The following GTF3C2 variants were observed in gnomAD, a reference collection of about 807,000 sequenced individuals.
GTF3C2 encodes general transcription factor IIIC subunit 2.
In GTF3C2, 17 loss-of-function variants were observed where a neutral mutation model predicts 117.4. The ratio of observed to expected loss-of-function variants is 0.14; its 90% CI spans 0.10 to 0.22. GTF3C2 has a LOEUF of 0.22. Ranked by LOEUF, GTF3C2 falls within the 10% of genes least tolerant of loss-of-function variation. The probability of loss-of-function intolerance (pLI) is 1.00; values close to 1 mark genes in which losing one functional copy is unlikely to be tolerated. For missense variants in GTF3C2, 888 were observed against 1,143.6 expected, an observed-to-expected ratio of 0.78 and a Z score of 3.22; for synonymous variants, 437 against 427.0, an observed-to-expected ratio of 1.02 and a Z score of -0.29.
At chr2:27,328,307 G>C in intron 16 of GTF3C2, 118 bp from the exon 17 acceptor site, 1 of 1,002,142 alleles carries the variant, frequency 1.0e-6, no homozygotes, top group Non-Finnish European at 1.5e-6. Context: ...TTAAATATAT[G>C]CTCAGATGCA....
At chr2:27,351,732 C>G (rs946982560) in intron 1 of GTF3C2, among the ~76,000 whole-genome samples, 1 of 152,098 alleles carries the variant, frequency 6.6e-6, no homozygotes, top group South Asian at 2.1e-4. Flanking sequence ...GCAAAAAATT[C>G]CAGACAATGA....
At chr2:27,343,671 A>G (rs911955693) in intron 1 of GTF3C2, 93 bp from the exon 2 acceptor site, 13 of 1,003,150 alleles carry the variant, frequency 1.3e-5, no homozygotes, top group Non-Finnish European at 1.8e-5. Context: ...TCATTCTCAC[A>G]CTCATAACCA....
At chr2:27,335,508 G>C (rs1680432712) in intron 10 of GTF3C2, 90 bp downstream of exon 10, 1 of 755,900 alleles carries the variant, frequency 1.3e-6, no homozygotes, top group Non-Finnish European at 2.4e-6. Flanking sequence ...AAGAGAGACT[G>C]GCCCAGAGGA....
rs757621159 is a variant in GTF3C2 at position 27,343,310 on chromosome 2, G to A, written c.245C>T (p.Pro82Leu). Residue 82 changes from proline (P) to leucine (L), a missense_variant and splice_region_variant, in exon 2 of 19, where the codon CCA becomes CTA. This residue lies in a region of GTF3C2 where 393 missense variants were observed against 401.5 expected (regional missense o/e 0.98). Coordinates refer to ENST00000264720, the Ensembl canonical transcript of GTF3C2. ...AGATAAGAGGACAAGGTACATACCT[G>A]GCTGTTCCAGTCTGGAGAGGCTTTC... 1.2e-6 allele frequency: 2 copies of A among 1,613,626 alleles called. No individual in the cohort carries two copies. The highest frequency in any genetic ancestry group is 1.7e-6 in the Non-Finnish European group (2 of 1,179,740).
At chr2:27,337,772 G>C (rs756391824) in intron 5 of GTF3C2, 154 bp downstream of exon 5, 5 of 707,232 alleles carry the variant, frequency 7.1e-6, no homozygotes, top group Non-Finnish European at 1.3e-5. Context: ...GAGTTCTAGA[G>C]CTCTTGCCTC....
chr2:27,338,052 G>A (rs1212832293), intron 4 of GTF3C2, 32 bp from the exon 5 acceptor site: 4 of 1,357,228 alleles, frequency 2.9e-6, no homozygotes, highest in Middle Eastern at 1.8e-4. Context: ...ATATAAGGGA[G>A]CAAATTCTAC....
At chr2:27,349,581 T>C (rs188317831) in intron 1 of GTF3C2, among the ~76,000 whole-genome samples, 4 of 152,046 alleles carry the variant, frequency 2.6e-5, no homozygotes, top group African/African-American at 9.6e-5. Flanking sequence ...AAGGAGGAGT[T>C]TTGATGACAA....
Position 27,342,440 on chromosome 2 carries a change from T to C in GTF3C2, c.570-207A>G, listed in dbSNP as rs1680769929. 6.9e-6 allele frequency: 4 copies of C among 576,864 alleles called. No homozygotes were observed. In the African/African-American group the frequency reaches 7.5e-5, roughly 11 times the overall value. 35.7% of individuals were successfully genotyped at this position (576,864 alleles called of 1,614,324 possible). A position where few individuals can be genotyped will look rare whatever the true frequency, so the allele number is the denominator to read the frequency against. Reference sequence around the variant, plus strand: ...GCCGAGATGACTGAGATAACAAATGTGGAATCTGAACCCAGGTCTTCTCAC... The same window carrying C: ...GCCGAGATGACTGAGATAACAAATGCGGAATCTGAACCCAGGTCTTCTCAC... On this transcript the variant is annotated intron_variant, in intron 3 of 18. Transcript: ENST00000264720.
exon 4 of GTF3C2, chr2:27,342,015 G>A (rs1210782160): frequency 6.2e-7 from 1 of 1,614,034 alleles, no homozygotes; most frequent in African/African-American, 1.3e-5. Context: ...GCTCTCACTT[G>A]GGCCCTCACT....
chr2:27,326,875 G>A, exon 19 of GTF3C2: 2 of 1,612,302 alleles, frequency 1.2e-6, no homozygotes, highest in Non-Finnish European at 1.7e-6. Context: ...TAGGAGTCCA[G>A]GTTTGGGCTG....
chr2:27,328,667 G>T, intron 15 of GTF3C2, 71 bp from the exon 16 acceptor site: 2 of 1,315,440 alleles, frequency 1.5e-6, no homozygotes, highest in Non-Finnish European at 2.2e-6. Flanking sequence ...CAGCTGCACA[G>T]TCTGAGAGAC....
intron 1 of GTF3C2, among the ~76,000 whole-genome samples, chr2:27,354,001 G>T (rs1681233622): frequency 2.0e-5 from 3 of 148,894 alleles, no homozygotes; most frequent in African/African-American, 7.5e-5. Flanking sequence ...AGGATTACAG[G>T]TTTGAGTCAC....
chr2:27,331,745 C>T (rs1243854366), intron 12 of GTF3C2, among the ~76,000 whole-genome samples: 1 of 151,994 alleles, frequency 6.6e-6, no homozygotes, highest in Non-Finnish European at 1.5e-5. Context: ...TGAAGACCAG[C>T]CTGGGCAACA....
At chr2:27,337,926 A>T (rs1680555819) in exon 5 of GTF3C2, 1 of 1,568,072 alleles carries the variant, frequency 6.4e-7, no homozygotes, top group Non-Finnish European at 8.8e-7. Context: ...CAAGTCTCAC[A>T]AGTCCTTGGT....
chr2:27,330,996 G>T (rs1170889705), intron 12 of GTF3C2, among the ~76,000 whole-genome samples: 1 of 152,166 alleles, frequency 6.6e-6, no homozygotes, highest in African/African-American at 2.4e-5. Context: ...GCGCATGCCT[G>T]TAGTCTCAGC....
intron 10 of GTF3C2, 50 bp downstream of exon 10, chr2:27,335,548 T>C: frequency 1.9e-6 from 2 of 1,053,026 alleles, no homozygotes; most frequent in Non-Finnish European, 2.9e-6. Flanking sequence ...GGCCCTGCTA[T>C]GCTGTGACCA....
chr2:27,336,011 T>C (rs1265317447), exon 9 of GTF3C2: 2 of 1,612,280 alleles, frequency 1.2e-6, no homozygotes, highest in Non-Finnish European at 1.7e-6. Context: ...ATAGACAAAG[T>C]GGGCCCTGTT....
chr2:27,347,490 T>C (rs955646767), intron 1 of GTF3C2, among the ~76,000 whole-genome samples: 1 of 152,196 alleles, frequency 6.6e-6, no homozygotes, highest in Admixed American at 6.5e-5. Context: ...AAAATCCATC[T>C]ATATTATTCC....
Position 27,328,019 on chromosome 2 carries a change from C to A in GTF3C2, c.2409+18G>T. 1 of 1,602,124 alleles carries A rather than the reference C, an allele frequency of 6.2e-7. No homozygotes were observed. The highest frequency in any genetic ancestry group is 8.5e-7 in the Non-Finnish European group (1 of 1,173,650). ...TACCTTTTCTAATACCACACCCATT[C>A]TCCTGGCCTCAGCTTACCAAATCTG... On this transcript the variant is annotated intron_variant, in intron 17 of 18. Coordinates refer to ENST00000264720, the Ensembl canonical transcript of GTF3C2.
Sources: gnomAD v4.1 joint callset for allele counts (sites outside exome capture counted in the v4.1 genomes callset) on GRCh38, gnomAD v4.1.1 for gene constraint, gnomAD v4.1.1 regional missense constraint, MANE v1.5 for transcripts, NCBI Gene and HGNC (gene_info 2026-07-23, HGNC 2026-07-21) for gene names.